ADGRB3: variants seen among roughly 807,000 people sequenced by gnomAD.
The protein encoded by ADGRB3 is adhesion G protein-coupled receptor B3, also known as brain-specific angiogenesis inhibitor 3.
ADGRB3 carries 37 observed loss-of-function variants against 193.4 expected under a neutral mutation model. The ratio of observed to expected loss-of-function variants is 0.19; its 90% confidence interval spans 0.15 to 0.25. The LOEUF is 0.25. ADGRB3 is among the 10% of genes least tolerant of loss of function. The pLI, the probability that ADGRB3 is intolerant of heterozygous loss-of-function variation, is 1.00. For synonymous variants in ADGRB3, 690 were observed against 644.2 expected, an observed-to-expected ratio of 1.07 and a Z score of -1.08; for missense variants, 1,637 against 1,852.9, an observed-to-expected ratio of 0.88 and a Z score of 2.14.
intron 11 of ADGRB3, among the ~76,000 whole-genome samples, chr6:68,997,398 T>C (rs1376197862): frequency 6.6e-6 from 1 of 150,640 alleles, no homozygotes; most frequent in African/African-American, 2.5e-5. Context: ...ATCACAGCAC[T>C]TTGGGAGGTC....
Position 68,800,546 on chromosome 6 carries a change from T to A in ADGRB3, c.758-130013T>A, listed in dbSNP as rs191330438. Among the ~76,000 whole-genome samples, 3 of 152,056 alleles carry A rather than the reference T, an allele frequency of 2.0e-5. No individual in the cohort carries two copies. In the East Asian group the frequency reaches 5.8e-4, roughly 29 times the overall value. Reference sequence around the variant, plus strand: ...TGAGACTGAAGGTATACTACAAAAATATTCAGGACAAGGAGGTCACTAGCA... The same window carrying A: ...TGAGACTGAAGGTATACTACAAAAAAATTCAGGACAAGGAGGTCACTAGCA... On this transcript the variant is annotated intron_variant, in intron 3 of 31. Transcript: ENST00000370598.
intron 20 of ADGRB3, among the ~76,000 whole-genome samples, chr6:69,249,479 A>T: frequency 6.6e-6 from 1 of 152,238 alleles, no homozygotes; most frequent in East Asian, 1.9e-4. Context: ...GCTTTGTAGA[A>T]GAAAACTTCT....
intron 17 of ADGRB3, among the ~76,000 whole-genome samples, chr6:69,148,742 C>T (rs1328899270): frequency 6.6e-6 from 1 of 152,052 alleles, no homozygotes; most frequent in Non-Finnish European, 1.5e-5. Flanking sequence ...AATCCATAAG[C>T]TTTTCTTTGT....
At chr6:69,227,785 A>G (rs1267873426) in intron 17 of ADGRB3, among the ~76,000 whole-genome samples, 2 of 152,194 alleles carry the variant, frequency 1.3e-5, no homozygotes, top group East Asian at 3.9e-4. Context: ...GAAATCCTAC[A>G]GAGTTCATCA....
intron 16 of ADGRB3, among the ~76,000 whole-genome samples, chr6:69,069,295 C>CATATGAACAGT (rs1772000859): frequency 6.6e-6 from 1 of 151,942 alleles, no homozygotes; most frequent in African/African-American, 2.4e-5. Context: ...GACTGTAGAA[C>CATATGAACAGT]TGTTCATATG....
intron 17 of ADGRB3, among the ~76,000 whole-genome samples, chr6:69,153,041 A>T (rs558606755): frequency 1.3e-5 from 2 of 152,264 alleles, no homozygotes; most frequent in South Asian, 4.1e-4. Flanking sequence ...AAGCAATAAC[A>T]TGTAGCTATA....
chr6:68,684,429 CAG>C (rs2127299395), intron 3 of ADGRB3, among the ~76,000 whole-genome samples: 1 of 152,172 alleles, frequency 6.6e-6, no homozygotes, highest in African/African-American at 2.4e-5. Context: ...CTTGCTAACT[CAG>C]AGGCAAACAA....
chr6:68,977,807 G>A (rs188930633), intron 10 of ADGRB3, among the ~76,000 whole-genome samples: 1 of 151,784 alleles, frequency 6.6e-6, no homozygotes, highest in Non-Finnish European at 1.5e-5. Flanking sequence ...TGTCCATGCC[G>A]CAGTTTACAT....
At chr6:69,101,433 C>CGTTCGTGTGTGTGT (rs1773051890) in intron 17 of ADGRB3, among the ~76,000 whole-genome samples, 1 of 145,286 alleles carries the variant, frequency 6.9e-6, no homozygotes, top group African/African-American at 2.6e-5. Flanking sequence ...CAGTAAGTAT[C>CGTTCGTGTGTGTGT]GTGTGTGTGT....
At chr6:68,972,181 C>T (rs1393689356) in intron 8 of ADGRB3, among the ~76,000 whole-genome samples, 1 of 152,228 alleles carries the variant, frequency 6.6e-6, no homozygotes, top group East Asian at 1.9e-4. Flanking sequence ...TACCTAGTGG[C>T]TGCCCCTACC....
intron 16 of ADGRB3, among the ~76,000 whole-genome samples, chr6:69,073,293 A>G (rs1006119101): frequency 2.0e-5 from 3 of 152,136 alleles, no homozygotes; most frequent in Non-Finnish European, 4.4e-5. Context: ...GGAGGTAAGA[A>G]GTGCCCGGCA....
chr6:69,075,452 A>G (rs1333475206), intron 16 of ADGRB3, among the ~76,000 whole-genome samples: 2 of 152,226 alleles, frequency 1.3e-5, no homozygotes, highest in African/African-American at 2.4e-5. Flanking sequence ...TTAAAATTTC[A>G]TTAGACATTA....
chr6:69,339,055 T>C (rs199865144), intron 25 of ADGRB3, 41 bp downstream of exon 25: 1 of 1,597,466 alleles, frequency 6.3e-7, no homozygotes, highest in Admixed American at 1.7e-5. Flanking sequence ...ACAAATCTTT[T>C]ACAGTGCATG....
chr6:69,083,772 T>C (rs1367412288), intron 17 of ADGRB3, among the ~76,000 whole-genome samples: 7 of 5,736 alleles, frequency 1.2e-3, no homozygotes, highest in Non-Finnish European at 3.1e-3. Context: ...TAACTGTTAC[T>C]TTTTTTTTTT....
intron 3 of ADGRB3, among the ~76,000 whole-genome samples, chr6:68,859,952 T>C (rs933138427): frequency 6.6e-6 from 1 of 152,168 alleles, no homozygotes; most frequent in African/African-American, 2.4e-5. Context: ...AAATAATTCA[T>C]TTAAAAATAA....
intron 20 of ADGRB3, among the ~76,000 whole-genome samples, chr6:69,318,457 A>G (rs1314776520): frequency 6.6e-6 from 1 of 151,142 alleles, no homozygotes; most frequent in Non-Finnish European, 1.5e-5. Context: ...TTATCCTTTT[A>G]CTGTATTTCT....
chr6:69,330,145 G>GA (rs1434311512), intron 22 of ADGRB3, among the ~76,000 whole-genome samples: 1 of 151,898 alleles, frequency 6.6e-6, no homozygotes, highest in Non-Finnish European at 1.5e-5. Flanking sequence ...AAGTACATTT[G>GA]AAAAAATCCA....
intron 3 of ADGRB3, among the ~76,000 whole-genome samples, chr6:68,646,425 A>G (rs1420294815): frequency 6.7e-6 from 1 of 150,038 alleles, no homozygotes; most frequent in South Asian, 2.1e-4. Context: ...TGCAGTGAGC[A>G]GAGATCGGGC....
chr6:68,681,736 T>G (rs1764900795), intron 3 of ADGRB3, among the ~76,000 whole-genome samples: 1 of 152,158 alleles, frequency 6.6e-6, no homozygotes, highest in African/African-American at 2.4e-5. Context: ...AAAATTAGAT[T>G]ATAATAGGAC....
Sources: allele counts gnomAD v4.1 joint callset (sites outside exome capture counted in the v4.1 genomes callset), GRCh38; gene constraint gnomAD v4.1.1; transcripts MANE v1.5; gene names NCBI Gene and HGNC (gene_info 2026-07-23, HGNC 2026-07-21).